Variants in ADGRG6 observed in about 807,000 individuals in gnomAD.
ADGRG6 encodes the protein adhesion G protein-coupled receptor G6.
In ADGRG6, 84 loss-of-function variants were observed where a neutral mutation model predicts 142.4. The ratio of observed to expected loss-of-function variants is 0.59; its 90% CI spans 0.49 to 0.71. ADGRG6 has a LOEUF of 0.71. Among genes scored for constraint, ADGRG6 ranks in the 30% least tolerant of loss-of-function variants. The pLI, the probability that ADGRG6 is intolerant of heterozygous loss-of-function variation, is 0.00. For missense variants in ADGRG6, 1,367 were observed against 1,466.6 expected (o/e 0.93, Z 1.11); for synonymous variants, 521 against 520.5 (o/e 1.00, Z -0.01).
rs576165016 is a variant in ADGRG6, at chr6:142,410,198, A to G, written c.2434+279A>G. Reference sequence around the variant, plus strand: ...TTGACATCAGTTATTTATAAAATACAGCATACAATTTTATTGCTACTTTTG... The same window carrying G: ...TTGACATCAGTTATTTATAAAATACGGCATACAATTTTATTGCTACTTTTG... On this transcript the variant is annotated intron_variant, in intron 17 of 24. Transcript: ENST00000367609. Among the ~76,000 whole-genome samples, 45 of 152,224 alleles carry G rather than the reference A, an allele frequency of 3.0e-4. 2 individuals carry two copies. Among genetic ancestry groups the G allele is most frequent in the Admixed American group, 2.9e-3 (44 of 15,250 alleles).
At chr6:142,392,051 G>T (rs1774923112) in intron 7 of ADGRG6, among the ~76,000 whole-genome samples, 1 of 151,810 alleles carries the variant, frequency 6.6e-6, no homozygotes, top group Non-Finnish European at 1.5e-5. Flanking sequence ...GCAGATACTT[G>T]ATAACAGAGA....
chr6:142,399,484 T>C (rs1197468308), intron 10 of ADGRG6, among the ~76,000 whole-genome samples: 3 of 151,866 alleles, frequency 2.0e-5, no homozygotes, highest in Non-Finnish European at 4.4e-5. Context: ...AAAGAAGGAG[T>C]CTGACAAATG....
chr6:142,419,693 A>G (rs1776558931), intron 21 of ADGRG6, 128 bp from the exon 22 acceptor site: 1 of 656,870 alleles, frequency 1.5e-6, no homozygotes, highest in African/African-American at 1.8e-5. Context: ...GGTCCAAGGA[A>G]GTAAAGTGGC....
At chr6:142,314,715 G>A (rs1226889455) in intron 2 of ADGRG6, among the ~76,000 whole-genome samples, 1 of 152,190 alleles carries the variant, frequency 6.6e-6, no homozygotes. Flanking sequence ...TAAGATACTG[G>A]CCTTTAGATA....
intron 6 of ADGRG6, among the ~76,000 whole-genome samples, chr6:142,386,051 C>T (rs760950149): frequency 2.6e-5 from 4 of 152,086 alleles, no homozygotes; most frequent in African/African-American, 7.2e-5. Flanking sequence ...AACAATATTG[C>T]ATTGTGGGGA....
chr6:142,322,405 A>T (rs961263479), intron 2 of ADGRG6, among the ~76,000 whole-genome samples: 3 of 150,384 alleles, frequency 2.0e-5, no homozygotes, highest in Admixed American at 1.3e-4. Context: ...ATCTCAAAAT[A>T]AAAAAAAAAT....
At chr6:142,361,238 A>T (rs1421689203) in intron 2 of ADGRG6, among the ~76,000 whole-genome samples, 20 of 152,202 alleles carry the variant, frequency 1.3e-4, no homozygotes, top group Non-Finnish European at 2.6e-4. Context: ...ACCTAAGAAG[A>T]TTGAGTAGCT....
intron 11 of ADGRG6, among the ~76,000 whole-genome samples, chr6:142,401,303 G>A (rs1775511563): frequency 6.6e-6 from 1 of 152,174 alleles, no homozygotes; most frequent in South Asian, 2.1e-4. Flanking sequence ...CTGGCTGTGA[G>A]AACTTGGAAA....
chr6:142,443,798 G>T lies in ADGRG6; in HGVS notation c.*283G>T, dbSNP rs1777868205. On this transcript the variant is annotated 3_prime_UTR_variant, in exon 25 of 25. Coordinates refer to ENST00000367609, the MANE Select transcript of ADGRG6 (RefSeq NM_198569.3). ...ATAATTGAATCAGAGTAATCATAAT[G>T]CAGGGGAGACATTCAAATTAGAGAC... 4.3e-6 allele frequency: 1 copy of T among 231,182 alleles called. No homozygotes were observed. The highest frequency in any genetic ancestry group is 2.3e-5 in the African/African-American group (1 of 43,760). 14.3% of individuals were successfully genotyped at this position (231,182 alleles called of 1,614,324 possible).
intron 24 of ADGRG6, chr6:142,440,849 G>T (rs1312879359): frequency 1.2e-6 from 1 of 830,820 alleles, no homozygotes; most frequent in Non-Finnish European, 1.9e-6. Flanking sequence ...TATCATCATG[G>T]ATATCTAGCT....
At chr6:142,394,017 C>A in intron 9 of ADGRG6, 59 bp downstream of exon 9, 1 of 1,066,060 alleles carries the variant, frequency 9.4e-7, no homozygotes, top group Non-Finnish European at 1.4e-6. Context: ...ACTACTTTAT[C>A]TGGTAGAGAA....
chr6:142,329,604 C>T (rs564595215), intron 2 of ADGRG6, among the ~76,000 whole-genome samples: 7 of 152,202 alleles, frequency 4.6e-5, no homozygotes, highest in African/African-American at 1.7e-4. Flanking sequence ...GCATTTCCCC[C>T]TTCCCTTAGT....
At chr6:142,410,917 G>T (rs1776048432) in intron 17 of ADGRG6, among the ~76,000 whole-genome samples, 1 of 151,096 alleles carries the variant, frequency 6.6e-6, no homozygotes, top group Non-Finnish European at 1.5e-5. Flanking sequence ...AACCTTCTTT[G>T]TTCTTATGTC....
chr6:142,377,847 T>C (rs1438798425), intron 4 of ADGRG6, among the ~76,000 whole-genome samples: 1 of 152,240 alleles, frequency 6.6e-6, no homozygotes, highest in East Asian at 1.9e-4. Context: ...GGTGTGTTTG[T>C]AATGCAAGTT....
At chr6:142,383,343 AC>A (rs1281424050) in intron 5 of ADGRG6, among the ~76,000 whole-genome samples, 6 of 152,148 alleles carry the variant, frequency 3.9e-5, no homozygotes, top group African/African-American at 1.4e-4. Flanking sequence ...TATTAGGCAA[AC>A]TTAGTTTAGA....
At chr6:142,316,811 A>G (rs774604194) in intron 2 of ADGRG6, among the ~76,000 whole-genome samples, 1 of 152,014 alleles carries the variant, frequency 6.6e-6, no homozygotes, top group East Asian at 1.9e-4. Context: ...TTTTTTTTTA[A>G]TTTTAGAGAA....
At chr6:142,391,434 T>TAC (rs35253608) in intron 7 of ADGRG6, among the ~76,000 whole-genome samples, 15,591 of 132,262 alleles carry the variant, frequency 0.12, 786 homozygotes, top group Middle Eastern at 0.14. Context: ...AAGTGGTAGC[T>TAC]ACACACACAC....
At position 142,403,792 on chromosome 6, in the gene ADGRG6, G is replaced by C. The variant is rs745879299; in HGVS notation, c.1956-10G>C. The C allele has an allele frequency of 6.5e-7, 1 of 1,533,014 alleles. No homozygotes were observed. Among genetic ancestry groups the C allele is most frequent in the African/African-American group, 1.4e-5 (1 of 70,536 alleles). The allele number at this position is 1,533,014 out of a possible 1,614,324, so 95.0% of individuals were successfully genotyped here. On this transcript the variant is annotated splice_polypyrimidine_tract_variant and intron_variant, in intron 13 of 24. Coordinates refer to ENST00000367609, the MANE Select transcript of ADGRG6 (RefSeq NM_198569.3). The stretch of plus-strand genomic sequence containing the variant: ...TTACTTAATAGTGGCATTTTTTGTC[G>C]TTACTTTAGAGCTTTAAAAACAATT...
intron 2 of ADGRG6, among the ~76,000 whole-genome samples, chr6:142,341,472 ATG>A (rs1779626804): frequency 8.5e-6 from 1 of 117,778 alleles, no homozygotes; most frequent in African/African-American, 3.4e-5. Flanking sequence ...ATATAATATT[ATG>A]TAGTATATAT....
Sources: gnomAD v4.1 joint callset for allele counts (sites outside exome capture counted in the v4.1 genomes callset) on GRCh38, gnomAD v4.1.1 for gene constraint, MANE v1.5 for transcripts, NCBI Gene and HGNC (gene_info 2026-07-23, HGNC 2026-07-21) for gene names.